Variants in LMX1A observed in about 807,000 individuals in gnomAD.
LMX1A encodes the protein LIM homeobox transcription factor 1 alpha, also known as LIM homeobox transcription factor 1-alpha.
LMX1A carries 15 observed loss-of-function variants against 49.1 expected under a neutral mutation model. The observed-to-expected ratio is 0.31, with a 90% confidence interval of 0.20 to 0.47. LMX1A has a LOEUF of 0.47. Among genes scored for constraint, LMX1A ranks in the 20% least tolerant of loss-of-function variants. The pLI is 1.00. For synonymous variants in LMX1A, 167 were observed against 185.7 expected, an observed-to-expected ratio of 0.90 and a Z score of 0.82; for missense variants, 372 against 475.8, an observed-to-expected ratio of 0.78 and a Z score of 2.03.
intron 3 of LMX1A, among the ~76,000 whole-genome samples, chr1:165,303,667 A>G (rs940806548): frequency 4.6e-5 from 7 of 152,172 alleles, no homozygotes; most frequent in African/African-American, 1.7e-4. Flanking sequence ...TCTGGGTCCC[A>G]GGGACGCAAA....
intron 3 of LMX1A, among the ~76,000 whole-genome samples, chr1:165,299,770 T>TAAAAAAAA (rs35840243): frequency 7.6e-6 from 1 of 131,976 alleles, no homozygotes; most frequent in Non-Finnish European, 1.6e-5. Context: ...AGAAACACAC[T>TAAAAAAAA]AAAAAAAAAA....
Position 165,203,977 on chromosome 1 carries a change from C to T in LMX1A, c.1052G>A (p.Cys351Tyr). 2 of 1,614,130 alleles carry T rather than the reference C, an allele frequency of 1.2e-6. No homozygotes were observed. Among genetic ancestry groups the T allele is most frequent in the Non-Finnish European group, 1.7e-6 (2 of 1,180,022 alleles). Reference protein sequence around the residue: ...DDTSLSNLGDCFLATSEAGPL... With the variant: ...DDTSLSNLGDYFLATSEAGPL... ...CCCAGCTTCTGAGGTTGCTAGGAAACAATCACCCAGGTTACTGAGGGAGGT... is the reference window on the plus strand; with the variant it reads ...CCCAGCTTCTGAGGTTGCTAGGAAATAATCACCCAGGTTACTGAGGGAGGT... The change falls in exon 9 of 9, where the codon TGT (cysteine) becomes TAT (tyrosine). Residue 351 changes from cysteine to tyrosine, a missense_variant. By Grantham distance (194) the Cys-to-Tyr change is radical. Transcript: ENST00000342310.
rs188021696 is a variant in LMX1A, at chr1:165,303,673, G to A, written c.263+49403C>T. 3.9e-5 allele frequency among the ~76,000 whole-genome samples: 6 copies of A among 152,260 alleles called. No homozygotes were observed. The East Asian group carries it at 5.8e-4, about 15-fold the overall frequency. ...CACCAGCCCTCTGGGTCCCAGGGAC[G>A]CAAAGCATGATGGGAAGTAGGCGGG... On this transcript the variant is annotated intron_variant, in intron 3 of 8. Transcript: ENST00000342310.
At chr1:165,340,780 C>A (rs1489528664) in intron 3 of LMX1A, among the ~76,000 whole-genome samples, 1 of 152,208 alleles carries the variant, frequency 6.6e-6, no homozygotes, top group Non-Finnish European at 1.5e-5. Flanking sequence ...CTGCTCACTT[C>A]TTAAATTCCC....
intron 3 of LMX1A, among the ~76,000 whole-genome samples, chr1:165,340,495 C>G (rs1476976734): frequency 1.3e-5 from 2 of 152,204 alleles, no homozygotes; most frequent in Non-Finnish European, 2.9e-5. Flanking sequence ...ATGTTCTCCC[C>G]TGCCTCTGTG....
chr1:165,341,796 G>A (rs1337253781), intron 3 of LMX1A, among the ~76,000 whole-genome samples: 1 of 152,054 alleles, frequency 6.6e-6, no homozygotes, highest in Non-Finnish European at 1.5e-5. Flanking sequence ...TAGTACATGA[G>A]TGATTTGTTT....
intron 3 of LMX1A, among the ~76,000 whole-genome samples, chr1:165,264,847 C>T (rs1653564450): frequency 1.3e-5 from 2 of 151,902 alleles, no homozygotes; most frequent in Admixed American, 1.3e-4. Context: ...GTCGAGGCTG[C>T]AGTGAGCCAT....
At position 165,353,255 on chromosome 1, in the gene LMX1A, C is replaced by A. The variant is rs962528380; in HGVS notation, c.84G>T (p.Ala28=). 4 of 1,610,496 alleles carry A rather than the reference C, an allele frequency of 2.5e-6. No homozygotes were observed. The African/African-American group carries it at 4.0e-5, about 16-fold the overall frequency. The change falls in exon 3 of 9, where the codon GCG becomes GCT. Residue 28 remains alanine, a synonymous_variant. Coordinates refer to ENST00000342310, the MANE Select transcript of LMX1A (RefSeq NM_177398.4). ...CCTCGCAGACAGACTTGGGGCTCAC[C>A]GCTCTGCCTGTAGCCACAACAGACG... is the stretch of plus-strand genomic sequence containing the variant. ...SASFSSLLGR[A]VSPKSVCEGC... is the part of the protein sequence containing the mutation.
intron 4 of LMX1A, among the ~76,000 whole-genome samples, chr1:165,217,402 C>T (rs1651681475): frequency 6.6e-6 from 1 of 152,148 alleles, no homozygotes; most frequent in Non-Finnish European, 1.5e-5. Context: ...GGGAGGAGAA[C>T]ACCTCCTAGG....
intron 1 of LMX1A, chr1:165,356,020 A>G (rs1656597797): frequency 6.4e-6 from 1 of 156,404 alleles, no homozygotes; most frequent in African/African-American, 2.4e-5. Flanking sequence ...GGCACGCGGG[A>G]CGATGGGGTT....
At chr1:165,307,706 C>T (rs992345008) in intron 3 of LMX1A, among the ~76,000 whole-genome samples, 2 of 152,212 alleles carry the variant, frequency 1.3e-5, no homozygotes, top group African/African-American at 4.8e-5. Context: ...GTCAGCTGGT[C>T]CTGGCATTCT....
intron 3 of LMX1A, among the ~76,000 whole-genome samples, chr1:165,310,605 C>T (rs1305561387): frequency 1.3e-5 from 2 of 152,220 alleles, no homozygotes; most frequent in Non-Finnish European, 1.5e-5. Flanking sequence ...CTCATGCATC[C>T]AATGGGGTGG....
intron 3 of LMX1A, among the ~76,000 whole-genome samples, chr1:165,289,005 A>C (rs1345555452): frequency 1.3e-5 from 2 of 152,216 alleles, no homozygotes; most frequent in Non-Finnish European, 2.9e-5. Context: ...TGGGCCAAGC[A>C]GGCAGAGCAA....
At chr1:165,271,643 G>A (rs1012333193) in intron 3 of LMX1A, among the ~76,000 whole-genome samples, 1 of 152,164 alleles carries the variant, frequency 6.6e-6, no homozygotes, top group African/African-American at 2.4e-5. Flanking sequence ...GGCCAAGACC[G>A]AGAAGCAACA....
chr1:165,300,007 T>C (rs1056133173), intron 3 of LMX1A, among the ~76,000 whole-genome samples: 6 of 152,096 alleles, frequency 3.9e-5, no homozygotes, highest in African/African-American at 1.4e-4. Context: ...TGCTCAAGAA[T>C]CTTGGGTGAG....
At chr1:165,211,404 T>A (rs1651385486) in intron 5 of LMX1A, 2 of 152,180 alleles carry the variant, frequency 1.3e-5, no homozygotes, top group African/African-American at 4.8e-5. Flanking sequence ...GGGATCCAGA[T>A]AATAAAGAGA....
At chr1:165,224,635 G>T (rs1467326571) in intron 4 of LMX1A, among the ~76,000 whole-genome samples, 1 of 152,154 alleles carries the variant, frequency 6.6e-6, no homozygotes, top group Non-Finnish European at 1.5e-5. Context: ...CATACTGAGT[G>T]CTCAGGAGAT....
At chr1:165,306,127 A>G (rs1270220192) in intron 3 of LMX1A, among the ~76,000 whole-genome samples, 3 of 152,090 alleles carry the variant, frequency 2.0e-5, no homozygotes, top group South Asian at 2.1e-4. Context: ...ATACCCACCC[A>G]TCAGACATCC....
chr1:165,342,183 A>C (rs1506953), intron 3 of LMX1A, among the ~76,000 whole-genome samples: 139,698 of 152,316 alleles, frequency 0.92, 64,118 homozygotes, highest in Middle Eastern at 0.95. Context: ...GGCCAAGTAA[A>C]AAACAAGAGG....
Sources: gnomAD v4.1 joint callset for allele counts (sites outside exome capture counted in the v4.1 genomes callset) on GRCh38, gnomAD v4.1.1 for gene constraint, MANE v1.5 for transcripts, NCBI Gene and HGNC (gene_info 2026-07-23, HGNC 2026-07-21) for gene names.